TMEM74: variants seen among roughly 807,000 people sequenced by gnomAD.
TMEM74 encodes the protein transmembrane protein 74.
TMEM74 carries 13 observed loss-of-function variants against 18.1 expected under a neutral mutation model. The observed-to-expected ratio is 0.72, with a 90% CI of 0.47 to 1.14. The LOEUF (loss-of-function observed/expected upper bound fraction) is 1.14. Among genes scored for constraint, TMEM74 ranks in the 50% most tolerant of loss-of-function variants. The pLI is 0.00. For synonymous variants in TMEM74, 159 were observed against 146.6 expected, an observed-to-expected ratio of 1.08 and a Z score of -0.61; for missense variants, 372 against 375.9, an observed-to-expected ratio of 0.99 and a Z score of 0.09.
chr8:108,634,059 G>C (rs933595283), intron 2 of TMEM74, among the ~76,000 whole-genome samples: 1 of 151,932 alleles, frequency 6.6e-6, no homozygotes, highest in African/African-American at 2.4e-5. Context: ...AAAAGTTACC[G>C]GCAAACTGAG....
intron 1 of TMEM74, among the ~76,000 whole-genome samples, chr8:108,674,561 T>C (rs1203925201): frequency 1.3e-5 from 2 of 152,348 alleles, no homozygotes; most frequent in African/African-American, 2.4e-5. Flanking sequence ...TATTACTCCA[T>C]GGAAGCTATT....
intron 1 of TMEM74, among the ~76,000 whole-genome samples, chr8:108,749,536 TAAG>T (rs1813884410): frequency 6.6e-6 from 1 of 152,152 alleles, no homozygotes. Context: ...CCTATCAGCT[TAAG>T]AAGCTTTTGG....
At chr8:108,693,189 T>C (rs1218361082) in intron 1 of TMEM74, among the ~76,000 whole-genome samples, 1 of 152,160 alleles carries the variant, frequency 6.6e-6, no homozygotes, top group Non-Finnish European at 1.5e-5. Context: ...TGGAGTATTA[T>C]ATAAAAGGAT....
rs1205567869 is a variant in TMEM74, at chr8:108,642,091, C to A, written n.264+13202G>T. Among the ~76,000 whole-genome samples the A allele has an allele frequency of 6.1e-5, 9 of 146,888 alleles. No homozygotes were observed. The East Asian group carries it at 1.4e-3, about 23-fold the overall frequency. On this transcript the variant is annotated intron_variant and non_coding_transcript_variant, in intron 2 of 3. Transcript: ENST00000518838. ...CTGTAAATAGTTAGAAATACAAAAA[C>A]AGATTTAGGAAAATATATGTGTTCA...
exon 4 of TMEM74, chr8:108,607,249 T>C (rs1044210063): frequency 1.3e-5 from 2 of 152,220 alleles, no homozygotes; most frequent in South Asian, 2.1e-4. Context: ...CAGGAGAGCA[T>C]GCAGAATGTG....
At chr8:108,686,171 G>A (rs947069315) in intron 1 of TMEM74, among the ~76,000 whole-genome samples, 6 of 152,036 alleles carry the variant, frequency 3.9e-5, no homozygotes, top group African/African-American at 1.2e-4. Flanking sequence ...CAATGGGAGC[G>A]TAAGTTGGGA....
At chr8:108,611,723 A>C (rs973767723) in intron 2 of TMEM74, among the ~76,000 whole-genome samples, 1 of 152,216 alleles carries the variant, frequency 6.6e-6, no homozygotes, top group Non-Finnish European at 1.5e-5. Context: ...AGTGTGACTA[A>C]ATTTTTCTGT....
At chr8:108,654,367 G>A (rs1340108318) in intron 2 of TMEM74, among the ~76,000 whole-genome samples, 1 of 151,990 alleles carries the variant, frequency 6.6e-6, no homozygotes, top group Non-Finnish European at 1.5e-5. Flanking sequence ...TTTCATATAG[G>A]GTTATACTGA....
chr8:108,703,601 G>C (rs928747346), intron 1 of TMEM74, among the ~76,000 whole-genome samples: 1 of 152,158 alleles, frequency 6.6e-6, no homozygotes, highest in Non-Finnish European at 1.5e-5. Flanking sequence ...AAAAAGAGAA[G>C]CTCCAAAGAT....
chr8:108,668,480 C>T (rs1812971000), intron 1 of TMEM74, among the ~76,000 whole-genome samples: 1 of 152,108 alleles, frequency 6.6e-6, no homozygotes, highest in South Asian at 2.1e-4. Context: ...AACAATAGCA[C>T]CAGCTCTAAC....
chr8:108,703,055 C>T (rs1344096190), intron 1 of TMEM74, among the ~76,000 whole-genome samples: 1 of 152,036 alleles, frequency 6.6e-6, no homozygotes, highest in Non-Finnish European at 1.5e-5. Flanking sequence ...CAGTGTATTT[C>T]CTTGGGAAAG....
chr8:108,720,343 G>A (rs953541514), intron 1 of TMEM74, among the ~76,000 whole-genome samples: 1 of 152,178 alleles, frequency 6.6e-6, no homozygotes, highest in African/African-American at 2.4e-5. Context: ...GCACAGCAAT[G>A]AGAACTCTTA....
At chr8:108,671,417 T>C (rs1813003855) in intron 1 of TMEM74, among the ~76,000 whole-genome samples, 1 of 152,130 alleles carries the variant, frequency 6.6e-6, no homozygotes, top group Admixed American at 6.5e-5. Context: ...CCTGTTTCTG[T>C]TTGTGGTTGG....
chr8:108,782,076 CCTT>C lies in TMEM74; in HGVS notation c.*2102_*2104del, dbSNP rs1318331457. On this transcript the variant is annotated 3_prime_UTR_variant, in exon 2 of 2. Coordinates refer to ENST00000297459, the MANE Select transcript of TMEM74 (RefSeq NM_153015.3). ...ATAAACATTAGTTTTTTCTTTAATG[CCTT>C]CTTTTTTTTAATGCCTTCTTTTTTT... Among the ~76,000 whole-genome samples the C allele has an allele frequency of 5.3e-5, 8 of 151,990 alleles. No homozygotes were observed. Among genetic ancestry groups the C allele is most frequent in the African/African-American group, 1.9e-4 (8 of 41,372 alleles).
At chr8:108,749,602 A>T (rs548440296) in intron 1 of TMEM74, among the ~76,000 whole-genome samples, 1 of 152,300 alleles carries the variant, frequency 6.6e-6, no homozygotes, top group East Asian at 1.9e-4. Flanking sequence ...GCAAACAAAT[A>T]TAGTTTCACT....
chr8:108,686,515 T>A (rs977138336), intron 1 of TMEM74, among the ~76,000 whole-genome samples: 7 of 152,110 alleles, frequency 4.6e-5, no homozygotes, highest in Non-Finnish European at 8.8e-5. Context: ...TTTATACTTC[T>A]TAAAAAAGAC....
At chr8:108,629,198 A>G (rs779153398) in intron 2 of TMEM74, among the ~76,000 whole-genome samples, 4 of 152,104 alleles carry the variant, frequency 2.6e-5, no homozygotes, top group African/African-American at 7.2e-5. Context: ...CACAAGTATC[A>G]ATAGCCAAAT....
At chr8:108,751,007 G>T (rs1586284104) in intron 1 of TMEM74, among the ~76,000 whole-genome samples, 1 of 152,102 alleles carries the variant, frequency 6.6e-6, no homozygotes. Flanking sequence ...TTTCTTCTGA[G>T]GAGGCAAATT....
At chr8:108,749,365 C>T (rs1423482038) in intron 1 of TMEM74, among the ~76,000 whole-genome samples, 1 of 152,136 alleles carries the variant, frequency 6.6e-6, no homozygotes. Context: ...AGAGGTCACA[C>T]TTCTCTTGTT....
Sources: allele counts gnomAD v4.1 joint callset (sites outside exome capture counted in the v4.1 genomes callset), GRCh38; gene constraint gnomAD v4.1.1; transcripts MANE v1.5; gene names NCBI Gene and HGNC (gene_info 2026-07-23, HGNC 2026-07-21).